NOVA1: variants seen among roughly 807,000 people sequenced by gnomAD.
NOVA1 encodes the protein RNA-binding protein Nova-1.
In NOVA1, 7 loss-of-function variants were observed where a neutral mutation model predicts 38.0. That is an observed-to-expected ratio of 0.18 (90% CI 0.10 to 0.35). NOVA1 has a LOEUF of 0.35. Among genes scored for constraint, NOVA1 ranks in the 10% least tolerant of loss-of-function variants. The pLI is 1.00. For missense variants in NOVA1, 460 were observed against 616.0 expected (o/e 0.75, Z 2.68); for synonymous variants, 270 against 232.5 (o/e 1.16, Z -1.47).
chr14:26,555,887 T>C (rs141308121), intron 2 of NOVA1, among the ~76,000 whole-genome samples: 127 of 152,270 alleles, frequency 8.3e-4, no homozygotes, highest in East Asian at 1.9e-3. Context: ...TTTCTTACAA[T>C]TGTGCAAAAA....
intron 2 of NOVA1, among the ~76,000 whole-genome samples, chr14:26,522,936 A>T (rs1213809095): frequency 6.6e-6 from 1 of 152,174 alleles, no homozygotes; most frequent in Non-Finnish European, 1.5e-5. Flanking sequence ...GCTTCAACTC[A>T]TCTCATTAGA....
intron 2 of NOVA1, among the ~76,000 whole-genome samples, chr14:26,508,743 T>G (rs1887832221): frequency 6.6e-6 from 1 of 151,980 alleles, no homozygotes; most frequent in African/African-American, 2.4e-5. Context: ...TAAAAATCAC[T>G]TGTATTTCAT....
At chr14:26,512,712 T>G (rs1888191077) in intron 2 of NOVA1, among the ~76,000 whole-genome samples, 1 of 152,118 alleles carries the variant, frequency 6.6e-6, no homozygotes, top group Non-Finnish European at 1.5e-5. Flanking sequence ...GCAAATTAGT[T>G]CTTCAAATTG....
intron 2 of NOVA1, among the ~76,000 whole-genome samples, chr14:26,484,596 A>G (rs1032273262): frequency 2.0e-5 from 3 of 152,136 alleles, no homozygotes; most frequent in Non-Finnish European, 4.4e-5. Flanking sequence ...AATGAGTTTT[A>G]TAGATACTCT....
At chr14:26,510,543 G>A (rs1887992400) in intron 2 of NOVA1, among the ~76,000 whole-genome samples, 1 of 152,156 alleles carries the variant, frequency 6.6e-6, no homozygotes, top group African/African-American at 2.4e-5. Flanking sequence ...CACATACTTT[G>A]TAGAGAGAAA....
At chr14:26,536,277 A>G (rs1038869463) in intron 2 of NOVA1, among the ~76,000 whole-genome samples, 2 of 152,082 alleles carry the variant, frequency 1.3e-5, no homozygotes, top group African/African-American at 4.8e-5. Context: ...AATAGAACGA[A>G]TAAGACCTAC....
intron 4 of NOVA1, among the ~76,000 whole-genome samples, chr14:26,465,185 C>A (rs1018830370): frequency 6.6e-6 from 1 of 151,832 alleles, no homozygotes; most frequent in East Asian, 1.9e-4. Flanking sequence ...ATTAATTTTT[C>A]TTTTTTTGAG....
At chr14:26,473,711 T>C (rs980928287) in intron 3 of NOVA1, among the ~76,000 whole-genome samples, 2 of 151,976 alleles carry the variant, frequency 1.3e-5, no homozygotes, top group Non-Finnish European at 2.9e-5. Flanking sequence ...CATACCATGT[T>C]TTACATAGTC....
At chr14:26,477,821 T>G (rs1010482857) in intron 3 of NOVA1, among the ~76,000 whole-genome samples, 1 of 152,014 alleles carries the variant, frequency 6.6e-6, no homozygotes, top group Non-Finnish European at 1.5e-5. Flanking sequence ...AAGGTCTGAC[T>G]GATTTATAAT....
chr14:26,572,280 A>G (rs1892528931), intron 2 of NOVA1, among the ~76,000 whole-genome samples: 1 of 152,214 alleles, frequency 6.6e-6, no homozygotes, highest in Non-Finnish European at 1.5e-5. Flanking sequence ...ATTATAGAAT[A>G]AACAGAGAAT....
At chr14:26,583,205 T>C (rs1169846525) in intron 2 of NOVA1, among the ~76,000 whole-genome samples, 1 of 151,744 alleles carries the variant, frequency 6.6e-6, no homozygotes, top group Non-Finnish European at 1.5e-5. Flanking sequence ...GTAAAATATG[T>C]TAAATTCAAA....
intron 2 of NOVA1, among the ~76,000 whole-genome samples, chr14:26,562,288 T>C (rs1435123662): frequency 2.0e-5 from 3 of 152,212 alleles, no homozygotes; most frequent in Non-Finnish European, 4.4e-5. Context: ...AGTTACTTAT[T>C]CTGCTTCCTC....
intron 1 of NOVA1, chr14:26,597,085 T>C: frequency 2.4e-6 from 3 of 1,227,374 alleles, no homozygotes; most frequent in Non-Finnish European, 3.0e-6. Flanking sequence ...TGATGAATGA[T>C]AAACACAGAA....
At chr14:26,453,485 T>C (rs772267227) in intron 4 of NOVA1, among the ~76,000 whole-genome samples, 4 of 152,174 alleles carry the variant, frequency 2.6e-5, no homozygotes, top group African/African-American at 9.7e-5. Context: ...ATACTAATTA[T>C]GCTAGCATCA....
intron 2 of NOVA1, among the ~76,000 whole-genome samples, chr14:26,547,329 T>C (rs565565673): frequency 2.6e-5 from 4 of 152,106 alleles, no homozygotes; most frequent in African/African-American, 9.6e-5. Context: ...TAAACAAATG[T>C]TCCAAAAAAT....
intron 2 of NOVA1, among the ~76,000 whole-genome samples, chr14:26,490,282 C>A (rs1349865689): frequency 6.6e-6 from 1 of 152,130 alleles, no homozygotes; most frequent in Non-Finnish European, 1.5e-5. Context: ...GTTGTTTACA[C>A]CTTTTGGCTA....
At chr14:26,474,310 A>G (rs1014563630) in intron 3 of NOVA1, among the ~76,000 whole-genome samples, 5 of 151,998 alleles carry the variant, frequency 3.3e-5, no homozygotes, top group Admixed American at 2.0e-4. Context: ...ATAATTCTGA[A>G]GTACTACAGG....
At chr14:26,455,410 CCTTTCTCAAATGA>C (rs1287116759) in intron 4 of NOVA1, among the ~76,000 whole-genome samples, 1 of 152,044 alleles carries the variant, frequency 6.6e-6, no homozygotes, top group East Asian at 1.9e-4. Context: ...TGCTATGTGA[CCTTTCTCAAATGA>C]CTTTAGTTTC....
chr14:26,512,066 C>G (rs1480967131), intron 2 of NOVA1, among the ~76,000 whole-genome samples: 1 of 152,028 alleles, frequency 6.6e-6, no homozygotes, highest in East Asian at 1.9e-4. Flanking sequence ...ATTCCACAGA[C>G]CATATTCTGG....
Sources: allele counts gnomAD v4.1 joint callset (sites outside exome capture counted in the v4.1 genomes callset), GRCh38; gene constraint gnomAD v4.1.1; transcripts MANE v1.5; gene names NCBI Gene and HGNC (gene_info 2026-07-23, HGNC 2026-07-21).